The following ELAPOR1 variants were observed in gnomAD, a reference collection of about 807,000 sequenced individuals.
The protein encoded by ELAPOR1 is endosome/lysosome-associated apoptosis and autophagy regulator 1.
ELAPOR1 carries 77 observed loss-of-function variants against 119.7 expected under a neutral mutation model. The observed-to-expected ratio is 0.64, with a 90% CI of 0.54 to 0.78. ELAPOR1 has a LOEUF of 0.78. ELAPOR1 is among the 30% of genes least tolerant of loss of function. The pLI, the probability that ELAPOR1 is intolerant of heterozygous loss-of-function variation, is 0.00. For missense variants in ELAPOR1, 1,115 were observed against 1,270.4 expected (o/e 0.88, Z 1.86); for synonymous variants, 481 against 487.2 (o/e 0.99, Z 0.17).
chr1:109,198,547 C>G, intron 17 of ELAPOR1, 26 bp from the exon 18 acceptor site: 1 of 1,596,626 alleles, frequency 6.3e-7, no homozygotes, highest in Non-Finnish European at 8.6e-7. Flanking sequence ...GACTCATTCC[C>G]TCATGGGGGC....
intron 7 of ELAPOR1, among the ~76,000 whole-genome samples, chr1:109,182,489 G>T (rs1652756502): frequency 6.6e-6 from 1 of 152,070 alleles, no homozygotes; most frequent in Non-Finnish European, 1.5e-5. Context: ...GAAGGCTGAG[G>T]CTCAGAGAGG....
intron 1 of ELAPOR1, among the ~76,000 whole-genome samples, chr1:109,129,118 T>G (rs780376085): frequency 2.0e-5 from 3 of 151,478 alleles, no homozygotes; most frequent in Non-Finnish European, 4.4e-5. Flanking sequence ...CCTCTTATAG[T>G]TTTAATTTTT....
chr1:109,142,593 A>G (rs1334417456), intron 1 of ELAPOR1, among the ~76,000 whole-genome samples: 10 of 152,340 alleles, frequency 6.6e-5, no homozygotes, highest in Non-Finnish European at 1.5e-4. Flanking sequence ...GGATTCTGTC[A>G]GGGGCATGTA....
At chr1:109,145,662 A>G (rs545392095) in intron 1 of ELAPOR1, among the ~76,000 whole-genome samples, 105 of 152,260 alleles carry the variant, frequency 6.9e-4, no homozygotes, top group Middle Eastern at 3.4e-3. Context: ...TGTCTCAAAA[A>G]AAAGAAAAAA....
intron 20 of ELAPOR1, 93 bp from the exon 21 acceptor site, chr1:109,200,642 G>A (rs1654110428): frequency 1.6e-6 from 2 of 1,228,276 alleles, no homozygotes; most frequent in African/African-American, 3.0e-5. Flanking sequence ...CATGGCATGG[G>A]AATAGGACCT....
chr1:109,191,035 C>T (rs1407937022), intron 11 of ELAPOR1, among the ~76,000 whole-genome samples: 4 of 152,098 alleles, frequency 2.6e-5, no homozygotes, highest in Non-Finnish European at 5.9e-5. Flanking sequence ...GGGAGATGGC[C>T]ATGTTGCTGG....
chr1:109,130,641 C>A (rs146643781), intron 1 of ELAPOR1, among the ~76,000 whole-genome samples: 1 of 151,830 alleles, frequency 6.6e-6, no homozygotes, highest in African/African-American at 2.4e-5. Flanking sequence ...GCACTGCACC[C>A]GGCCAGCATA....
In ELAPOR1 at chr1:109,173,501, C is replaced by T; in HGVS notation, c.724C>T (p.Leu242Phe). The change falls in exon 6 of 22, where the codon CTC (leucine) becomes TTC (phenylalanine). Residue 242 changes from leucine to phenylalanine, a missense_variant. By Grantham distance (22) the Leu-to-Phe change is conservative (BLOSUM62 0). Coordinates refer to ENST00000369939, the MANE Select transcript of ELAPOR1 (RefSeq NM_020775.5). ...SVELNRGNNV[L>F]YWRTTAFSVW... ...GGAGCTAAATCGAGGCAATAATGTCCTCTATTGGAGAACCACAGCCTTCTC... is the reference window on the plus strand; with the variant it reads ...GGAGCTAAATCGAGGCAATAATGTCTTCTATTGGAGAACCACAGCCTTCTC... 1 of 1,614,134 alleles carries T rather than the reference C, an allele frequency of 6.2e-7. No homozygotes were observed.
At chr1:109,160,710 A>C (rs1044219545) in intron 1 of ELAPOR1, among the ~76,000 whole-genome samples, 12 of 152,246 alleles carry the variant, frequency 7.9e-5, no homozygotes, top group Non-Finnish European at 1.6e-4. Flanking sequence ...TTATGCATAC[A>C]GTAATACAAA....
chr1:109,200,291 G>A, intron 20 of ELAPOR1, 54 bp downstream of exon 20: 1 of 1,578,088 alleles, frequency 6.3e-7, no homozygotes, highest in Non-Finnish European at 8.7e-7. Context: ...TTATTGATCA[G>A]GGAGAATATC....
chr1:109,172,087 T>C, intron 4 of ELAPOR1, 74 bp downstream of exon 4: 3 of 1,533,116 alleles, frequency 2.0e-6, no homozygotes, highest in South Asian at 1.1e-5. Flanking sequence ...GAGGAATCCA[T>C]CATGAGTGTA....
At chr1:109,196,697 T>G (rs2101129538) in intron 15 of ELAPOR1, among the ~76,000 whole-genome samples, 1 of 152,254 alleles carries the variant, frequency 6.6e-6, no homozygotes, top group African/African-American at 2.4e-5. Context: ...ACTTTTTTTT[T>G]TTTTGAGGTG....
chr1:109,171,719 C>A (rs1651937970), intron 3 of ELAPOR1, 147 bp from the exon 4 acceptor site: 1 of 807,120 alleles, frequency 1.2e-6, no homozygotes, highest in Non-Finnish European at 2.0e-6. Context: ...TGTCTTTCTT[C>A]ACTGAGCATT....
chr1:109,172,683 A>C (rs1651994555), intron 5 of ELAPOR1, 115 bp downstream of exon 5: 1 of 730,518 alleles, frequency 1.4e-6, no homozygotes, highest in East Asian at 2.7e-5. Flanking sequence ...GGAGGGCAGG[A>C]ATGTGATATG....
chr1:109,194,711 T>A, intron 15 of ELAPOR1, 117 bp downstream of exon 15: 1 of 864,730 alleles, frequency 1.2e-6, no homozygotes, highest in Non-Finnish European at 1.8e-6. Context: ...GTTGAGGAGC[T>A]TCAAAGGTTT....
At chr1:109,125,476 T>C (rs890017367) in intron 1 of ELAPOR1, among the ~76,000 whole-genome samples, 1 of 151,686 alleles carries the variant, frequency 6.6e-6, no homozygotes, top group East Asian at 1.9e-4. Flanking sequence ...CACTACAACC[T>C]CCGCCTCCCG....
chr1:109,165,355 G>A (rs1462729312), intron 3 of ELAPOR1, among the ~76,000 whole-genome samples: 2 of 152,158 alleles, frequency 1.3e-5, no homozygotes, highest in Non-Finnish European at 2.9e-5. Context: ...GGGAGGCCGA[G>A]GCGGGTGGAT....
intron 1 of ELAPOR1, among the ~76,000 whole-genome samples, chr1:109,147,526 A>G (rs1216003146): frequency 6.6e-6 from 1 of 152,188 alleles, no homozygotes; most frequent in Non-Finnish European, 1.5e-5. Flanking sequence ...ATATACTATA[A>G]TGGTTAACAC....
Position 109,206,306 on chromosome 1 carries a change from T to A in ELAPOR1, c.*3294T>A, listed in dbSNP as rs923891942. ...CTGGGATTACAGGTGTAAGCCACCG[T>A]GCCTGGCCTACATGTTCAATTTTCT... On this transcript the variant is annotated 3_prime_UTR_variant, in exon 22 of 22. Coordinates refer to ENST00000369939, the MANE Select transcript of ELAPOR1 (RefSeq NM_020775.5). 15 of 152,364 alleles carry A rather than the reference T, an allele frequency of 9.8e-5. No individual in the cohort carries two copies. Among genetic ancestry groups the A allele is most frequent in the African/African-American group, 3.4e-4 (14 of 41,584 alleles). The allele number at this position is 152,364 out of a possible 1,614,324, so 9.4% of individuals were successfully genotyped here. A position where few individuals can be genotyped will look rare whatever the true frequency, so the allele number is the denominator to read the frequency against.
Sources: gnomAD v4.1 joint callset for allele counts (sites outside exome capture counted in the v4.1 genomes callset) on GRCh38, gnomAD v4.1.1 for gene constraint, MANE v1.5 for transcripts, NCBI Gene and HGNC (gene_info 2026-07-23, HGNC 2026-07-21) for gene names.